The following NEGR1 variants were observed in gnomAD, a reference collection of about 807,000 sequenced individuals.
NEGR1 encodes neuronal growth regulator 1, also known as IgLON family member 4.
NEGR1 carries 10 observed loss-of-function variants against 40.9 expected under a neutral mutation model. The observed-to-expected ratio is 0.24, with a 90% CI of 0.15 to 0.42. The LOEUF (loss-of-function observed/expected upper bound fraction) is 0.42, where lower values mean the gene tolerates loss of function less well. Ranked by LOEUF, NEGR1 falls within the 10% of genes least tolerant of loss-of-function variation. The pLI, the probability that NEGR1 is intolerant of heterozygous loss-of-function variation, is 1.00. For missense variants in NEGR1, 352 were observed against 438.9 expected (o/e 0.80, Z 1.77); for synonymous variants, 185 against 166.8 (o/e 1.11, Z -0.84).
intron 1 of NEGR1, among the ~76,000 whole-genome samples, chr1:71,994,991 T>C (rs1646491012): frequency 1.1e-5 from 1 of 88,698 alleles, no homozygotes; most frequent in South Asian, 3.6e-4. Context: ...TCTCCAAATT[T>C]ACAGGAAAAA....
At chr1:71,793,730 A>C (rs1657215360) in intron 2 of NEGR1, among the ~76,000 whole-genome samples, 2 of 152,116 alleles carry the variant, frequency 1.3e-5, no homozygotes, top group Admixed American at 1.3e-4. Context: ...AAGTGTTCTT[A>C]TGTTAGGAAT....
At chr1:72,109,431 A>AAACCT (rs1248823052) in intron 1 of NEGR1, among the ~76,000 whole-genome samples, 2 of 151,624 alleles carry the variant, frequency 1.3e-5, no homozygotes, top group Admixed American at 1.3e-4. Flanking sequence ...TTTTCTTTCA[A>AAACCT]AACCTACTGA....
At chr1:71,924,461 T>A (rs753250856) in intron 2 of NEGR1, among the ~76,000 whole-genome samples, 4 of 152,226 alleles carry the variant, frequency 2.6e-5, no homozygotes, top group Admixed American at 1.3e-4. Flanking sequence ...TCTCACTTTA[T>A]TCTGCACTAA....
intron 6 of NEGR1, among the ~76,000 whole-genome samples, chr1:71,569,051 G>A (rs1341791897): frequency 6.6e-6 from 1 of 151,840 alleles, no homozygotes; most frequent in African/African-American, 2.4e-5. Context: ...CGAGTAGCTG[G>A]GACTACAGGC....
chr1:71,658,782 AG>A (rs1197057099), intron 4 of NEGR1, among the ~76,000 whole-genome samples: 1 of 152,206 alleles, frequency 6.6e-6, no homozygotes, highest in Non-Finnish European at 1.5e-5. Context: ...TGCAGACTGC[AG>A]TCCTTCTTAG....
intron 2 of NEGR1, among the ~76,000 whole-genome samples, chr1:71,804,603 A>G (rs572868867): frequency 6.6e-5 from 10 of 152,364 alleles, no homozygotes; most frequent in African/African-American, 2.4e-4. Context: ...ATCTCTGAAC[A>G]TAAATTGTGA....
intron 2 of NEGR1, among the ~76,000 whole-genome samples, chr1:71,883,432 T>C (rs1403540649): frequency 6.6e-6 from 1 of 152,116 alleles, no homozygotes; most frequent in East Asian, 1.9e-4. Context: ...GCCCTGATTT[T>C]TTTGCTCAAC....
intron 1 of NEGR1, 117 bp from the exon 2 acceptor site, chr1:71,935,428 T>C (rs1382406001): frequency 1.5e-6 from 1 of 678,394 alleles, no homozygotes; most frequent in Non-Finnish European, 2.6e-6. Flanking sequence ...AATGCAAACA[T>C]CAGACATTAA....
chr1:72,180,938 C>A (rs1233937484), intron 1 of NEGR1, among the ~76,000 whole-genome samples: 1 of 151,962 alleles, frequency 6.6e-6, no homozygotes, highest in Non-Finnish European at 1.5e-5. Flanking sequence ...ACAGCTGTTT[C>A]TTTGAGCAAA....
intron 1 of NEGR1, among the ~76,000 whole-genome samples, chr1:72,200,947 G>T (rs756104731): frequency 1.7e-5 from 2 of 115,680 alleles, no homozygotes; most frequent in Non-Finnish European, 4.5e-5. Context: ...CTTTATATAT[G>T]ATAAGTGACA....
At chr1:71,733,523 C>T (rs553822608) in intron 3 of NEGR1, among the ~76,000 whole-genome samples, 28 of 152,082 alleles carry the variant, frequency 1.8e-4, no homozygotes, top group African/African-American at 6.8e-4. Flanking sequence ...TGTCACTTGC[C>T]CAGATTGAGT....
At chr1:71,531,583 A>G (rs1647356613) in intron 6 of NEGR1, among the ~76,000 whole-genome samples, 1 of 151,394 alleles carries the variant, frequency 6.6e-6, no homozygotes, top group African/African-American at 2.4e-5. Flanking sequence ...AAGAAAAATT[A>G]GATTCCCATG....
chr1:72,101,532 C>T (rs1648936895), intron 1 of NEGR1, among the ~76,000 whole-genome samples: 1 of 152,066 alleles, frequency 6.6e-6, no homozygotes, highest in African/African-American at 2.4e-5. Context: ...ATAAAATAAT[C>T]TCATACAGTT....
chr1:71,672,722 T>TA (rs1287651675), intron 4 of NEGR1, among the ~76,000 whole-genome samples: 4 of 152,044 alleles, frequency 2.6e-5, no homozygotes, highest in South Asian at 2.1e-4. Context: ...TTAAAAAAAA[T>TA]AAAAAACCCA....
chr1:72,068,301 T>A (rs980488260), intron 1 of NEGR1, among the ~76,000 whole-genome samples: 1 of 152,144 alleles, frequency 6.6e-6, no homozygotes, highest in Non-Finnish European at 1.5e-5. Flanking sequence ...GGTTGAGCCC[T>A]GGCATTGTCC....
chr1:72,249,148 TA>T (rs1288917885), intron 1 of NEGR1, among the ~76,000 whole-genome samples: 7 of 151,552 alleles, frequency 4.6e-5, no homozygotes, highest in African/African-American at 1.5e-4. Context: ...AGTGCCTTTA[TA>T]AAAAAAAGGC....
At chr1:72,180,247 G>C (rs1022173476) in intron 1 of NEGR1, among the ~76,000 whole-genome samples, 1 of 151,916 alleles carries the variant, frequency 6.6e-6, no homozygotes, top group Non-Finnish European at 1.5e-5. Context: ...ACTAATTATT[G>C]AGAAAGGCAC....
At chr1:72,172,360 C>A (rs1414274909) in intron 1 of NEGR1, among the ~76,000 whole-genome samples, 2 of 152,010 alleles carry the variant, frequency 1.3e-5, no homozygotes, top group Admixed American at 1.3e-4. Flanking sequence ...CAGGAGATAG[C>A]ATGACCATAC....
intron 1 of NEGR1, among the ~76,000 whole-genome samples, chr1:72,169,193 A>G (rs1209805025): frequency 1.3e-5 from 2 of 152,194 alleles, no homozygotes; most frequent in African/African-American, 4.8e-5. Context: ...CATTATCAGC[A>G]AAGGATATTA....
Sources: gnomAD v4.1 joint callset for allele counts (sites outside exome capture counted in the v4.1 genomes callset) on GRCh38, gnomAD v4.1.1 for gene constraint, MANE v1.5 for transcripts, NCBI Gene and HGNC (gene_info 2026-07-23, HGNC 2026-07-21) for gene names.